Variants in RBMS3 observed in about 807,000 individuals in gnomAD.
The protein encoded by RBMS3 is RNA binding motif single stranded interacting protein 3, also known as RNA-binding motif, single-stranded-interacting protein 3.
A neutral mutation model predicts 66.8 loss-of-function variants in RBMS3; 27 were observed. The observed-to-expected ratio is 0.40, with a 90% CI of 0.30 to 0.56. The LOEUF (loss-of-function observed/expected upper bound fraction) is 0.56. RBMS3 is among the 20% of genes least tolerant of loss of function. RBMS3 has a pLI of 0.40. For missense variants in RBMS3, 513 were observed against 549.5 expected (o/e 0.93, Z 0.66); for synonymous variants, 188 against 183.0 (o/e 1.03, Z -0.22).
At chr3:29,527,095 G>A (rs553852903) in intron 3 of RBMS3, among the ~76,000 whole-genome samples, 352 of 145,138 alleles carry the variant, frequency 2.4e-3, no homozygotes, top group Non-Finnish European at 4.1e-3. Context: ...ATATTTAAAA[G>A]CGTTCTCTTG....
At chr3:29,315,491 C>A (rs568353187) in intron 1 of RBMS3, among the ~76,000 whole-genome samples, 1 of 151,794 alleles carries the variant, frequency 6.6e-6, no homozygotes, top group South Asian at 2.1e-4. Context: ...CATTTAGCTA[C>A]ACATATATAC....
intron 4 of RBMS3, among the ~76,000 whole-genome samples, chr3:29,672,471 AAT>A (rs1316285942): frequency 6.6e-6 from 1 of 152,204 alleles, no homozygotes; most frequent in Non-Finnish European, 1.5e-5. Context: ...GAAATGCTCC[AAT>A]TAAAAGACAC....
intron 5 of RBMS3, among the ~76,000 whole-genome samples, chr3:29,761,666 T>G (rs1395042223): frequency 6.6e-6 from 1 of 152,186 alleles, no homozygotes; most frequent in Admixed American, 6.5e-5. Flanking sequence ...GTATCTTGTT[T>G]CCTTTGCCAT....
intron 6 of RBMS3, among the ~76,000 whole-genome samples, chr3:29,826,848 T>C (rs1407053127): frequency 1.3e-5 from 2 of 152,090 alleles, no homozygotes; most frequent in Non-Finnish European, 2.9e-5. Context: ...TACTATACAA[T>C]AGAAATAGTC....
At chr3:29,338,098 G>A (rs1023817566) in intron 1 of RBMS3, among the ~76,000 whole-genome samples, 1 of 152,086 alleles carries the variant, frequency 6.6e-6, no homozygotes. Context: ...AGGGATCTGG[G>A]AACAAAATAT....
At chr3:29,944,072 C>T (rs1388404051) in intron 11 of RBMS3, 135 bp from the exon 12 acceptor site, 2 of 657,080 alleles carry the variant, frequency 3.0e-6, no homozygotes, top group African/African-American at 1.8e-5. Context: ...AATCCTAATG[C>T]CTTTACTGCT....
rs187015854 is a variant in RBMS3 at position 29,634,955 on chromosome 3, A to C, written c.399+47750A>C. ...GTTCCACAGAAGTGCTCTAACTAGA[A>C]GCATTCTGCAGAAGTACTCTAAATA... On this transcript the variant is annotated intron_variant, in intron 4 of 14. Coordinates refer to ENST00000383767, the MANE Select transcript of RBMS3 (RefSeq NM_001003793.3). 3.9e-5 allele frequency among the ~76,000 whole-genome samples: 6 copies of C among 152,024 alleles called. No homozygotes were observed. The East Asian group carries it at 1.2e-3, about 29-fold the overall frequency.
chr3:29,508,268 G>A (rs2044262729), intron 3 of RBMS3, among the ~76,000 whole-genome samples: 1 of 152,012 alleles, frequency 6.6e-6, no homozygotes, highest in Admixed American at 6.6e-5. Flanking sequence ...TTGTTACATA[G>A]GTATACATGT....
chr3:29,433,356 C>G lies in RBMS3; in HGVS notation c.76-1387C>G, dbSNP rs549551907. Among the ~76,000 whole-genome samples the G allele has an allele frequency of 4.6e-5, 7 of 152,234 alleles. No homozygotes were observed. The South Asian group carries it at 1.5e-3, about 32-fold the overall frequency. On this transcript the variant is annotated intron_variant, in intron 1 of 14. Transcript: ENST00000383767. ...CAGCCCAAAGTTTCCCCACTGGAAT[C>G]TTGATGAATGTGCTTATTTTGTTTT...
At chr3:29,701,231 C>A (rs939196176) in intron 4 of RBMS3, among the ~76,000 whole-genome samples, 1 of 151,494 alleles carries the variant, frequency 6.6e-6, no homozygotes, top group Non-Finnish European at 1.5e-5. Flanking sequence ...GAGCTGAGAT[C>A]GCGCCATTGC....
intron 1 of RBMS3, among the ~76,000 whole-genome samples, chr3:29,353,357 T>TAG (rs1355531444): frequency 6.6e-6 from 1 of 152,034 alleles, no homozygotes; most frequent in African/African-American, 2.4e-5. Flanking sequence ...ATATTTTTAT[T>TAG]ATCAGGAGTT....
rs1010754904 is a variant in RBMS3 at position 29,684,509 on chromosome 3, G to A, written c.400-55211G>A. On this transcript the variant is annotated intron_variant, in intron 4 of 14. Transcript: ENST00000383767. Reference sequence around the variant, plus strand: ...TGGTGGTAAAAAAATAACCTCTAGTGGACTTATTCAACTGTATATGGAATT... The same window carrying A: ...TGGTGGTAAAAAAATAACCTCTAGTAGACTTATTCAACTGTATATGGAATT... 3.3e-5 allele frequency among the ~76,000 whole-genome samples: 5 copies of A among 152,196 alleles called. No individual in the cohort carries two copies. The East Asian group carries it at 9.6e-4, about 29-fold the overall frequency.
intron 1 of RBMS3, among the ~76,000 whole-genome samples, chr3:29,295,289 ATATATACATATATATC>A (rs1458159857): frequency 0.1 from 499 of 4,844 alleles, 5 homozygotes; most frequent in African/African-American, 0.2. Context: ...ATATATATAT[ATATATACATATATATC>A]TATATATATA....
chr3:29,773,619 T>C (rs1488145168), intron 6 of RBMS3, among the ~76,000 whole-genome samples: 1 of 152,058 alleles, frequency 6.6e-6, no homozygotes, highest in Non-Finnish European at 1.5e-5. Flanking sequence ...CAAATGTTAG[T>C]GCTCCCGGAG....
In RBMS3 at chr3:29,281,210, T is replaced by C. The variant is rs1434744328; in HGVS notation, c.-472T>C. ...TTTCTTTTTCTTTCTTTCTTTCTCT[T>C]TCTCTCTCTCTTTTTTCTTTTTCTT... On this transcript the variant is annotated 5_prime_UTR_variant, in exon 1 of 15. Transcript: ENST00000383767. The C allele has an allele frequency of 6.7e-6, 1 of 150,050 alleles. No homozygotes were observed. The highest frequency in any genetic ancestry group is 1.5e-5 in the Non-Finnish European group (1 of 67,866). 9.3% of individuals were successfully genotyped at this position (150,050 alleles called of 1,614,324 possible).
At chr3:29,654,211 C>T (rs993353659) in intron 4 of RBMS3, among the ~76,000 whole-genome samples, 1 of 152,122 alleles carries the variant, frequency 6.6e-6, no homozygotes, top group African/African-American at 2.4e-5. Context: ...CCTATTTAGA[C>T]AGTTTTAAAC....
chr3:29,288,940 T>C (rs1358153238), intron 1 of RBMS3, among the ~76,000 whole-genome samples: 1 of 151,970 alleles, frequency 6.6e-6, no homozygotes, highest in Non-Finnish European at 1.5e-5. Context: ...TCCCTTCTTG[T>C]TTTTCAAAAA....
At chr3:29,606,832 T>C (rs542728521) in intron 4 of RBMS3, among the ~76,000 whole-genome samples, 7 of 151,976 alleles carry the variant, frequency 4.6e-5, no homozygotes, top group African/African-American at 1.7e-4. Context: ...AGATAAAACA[T>C]AGAAAAAATT....
chr3:29,977,100 T>C (rs1238028797), intron 12 of RBMS3, among the ~76,000 whole-genome samples: 1 of 152,126 alleles, frequency 6.6e-6, no homozygotes, highest in Non-Finnish European at 1.5e-5. Context: ...CTCATTGACT[T>C]TCCGGGTTTG....
Sources: allele counts gnomAD v4.1 joint callset (sites outside exome capture counted in the v4.1 genomes callset), GRCh38; gene constraint gnomAD v4.1.1; transcripts MANE v1.5; gene names NCBI Gene and HGNC (gene_info 2026-07-23, HGNC 2026-07-21).